Variants in OGFRL1 observed in about 807,000 individuals in gnomAD.
The protein encoded by OGFRL1 is opioid growth factor receptor like 1, also known as opioid growth factor receptor-like protein 1.
In OGFRL1, 26 loss-of-function variants were observed where a neutral mutation model predicts 32.4. That is an observed-to-expected ratio of 0.80 (90% CI 0.59 to 1.11). The LOEUF (loss-of-function observed/expected upper bound fraction) is 1.11. Ranked by LOEUF, OGFRL1 falls within the 50% of genes most tolerant of loss-of-function variation. The pLI, the probability that OGFRL1 is intolerant of heterozygous loss-of-function variation, is 0.00. For missense variants in OGFRL1, 521 were observed against 546.4 expected (o/e 0.95, Z 0.46); for synonymous variants, 211 against 201.2 (o/e 1.05, Z -0.41).
Position 71,292,103 on chromosome 6 carries a change from T to C in OGFRL1, c.235-1190T>C, listed in dbSNP as rs1451529021. The C allele has an allele frequency of 2.0e-5, 3 of 152,216 alleles. No homozygotes were observed. In the East Asian group the frequency reaches 5.8e-4, roughly 29 times the overall value. 9.4% of individuals were successfully genotyped at this position (152,216 alleles called of 1,614,324 possible). On this transcript the variant is annotated intron_variant, in intron 1 of 6. Transcript: ENST00000370435. ...CTATTCGCTATATATGTAAGTGCTT[T>C]GTAAATGGAGAGTGCCTTCTATACA...
At chr6:71,300,491 A>T (rs569792102) in intron 6 of OGFRL1, among the ~76,000 whole-genome samples, 1 of 152,182 alleles carries the variant, frequency 6.6e-6, no homozygotes, top group Non-Finnish European at 1.5e-5. Flanking sequence ...AAATTATCAG[A>T]TAGGGAAAGA....
Position 71,304,419 on chromosome 6 carries a change from T to A in OGFRL1, c.*2370T>A, listed in dbSNP as rs1299366707. The stretch of plus-strand genomic sequence containing the variant: ...CAGGGTTTAGAGGATGAGAAGCGAT[T>A]GTCAAATTAGGCTGAATTGTAGAAC... On this transcript the variant is annotated 3_prime_UTR_variant, in exon 7 of 7. Coordinates refer to ENST00000370435, the MANE Select transcript of OGFRL1 (RefSeq NM_024576.5). 2 of 152,142 alleles carry A rather than the reference T, an allele frequency of 1.3e-5. No homozygotes were observed. Among genetic ancestry groups the A allele is most frequent in the African/African-American group, 4.8e-5 (2 of 41,448 alleles). 9.4% of individuals were successfully genotyped at this position (152,142 alleles called of 1,614,324 possible). A position where few individuals can be genotyped will look rare whatever the true frequency, so the allele number is the denominator to read the frequency against.
At chr6:71,294,763 T>A (rs1435912115) in intron 3 of OGFRL1, among the ~76,000 whole-genome samples, 1 of 152,202 alleles carries the variant, frequency 6.6e-6, no homozygotes, top group Non-Finnish European at 1.5e-5. Context: ...TTGGCCAAAT[T>A]ATTCATTTTG....
intron 1 of OGFRL1, 96 bp from the exon 2 acceptor site, chr6:71,293,197 G>C (rs951413072): frequency 9.6e-6 from 9 of 938,546 alleles, no homozygotes; most frequent in Middle Eastern, 2.2e-4. Flanking sequence ...CAATTTTCAG[G>C]CTTTCTTTAT....
intron 1 of OGFRL1, chr6:71,289,582 T>TAAAAAA (rs1765980154): frequency 1.5e-6 from 1 of 680,650 alleles, no homozygotes; most frequent in Non-Finnish European, 1.7e-6. Context: ...AAAAAAAAAT[T>TAAAAAA]ACTCAGAATA....
chr6:71,294,784 G>A (rs1766152319), intron 3 of OGFRL1, among the ~76,000 whole-genome samples: 1 of 151,994 alleles, frequency 6.6e-6, no homozygotes, highest in Admixed American at 6.6e-5. Flanking sequence ...TTAGGACTTG[G>A]GGTAGAAAAA....
intron 1 of OGFRL1, 112 bp downstream of exon 1, chr6:71,289,282 G>T: frequency 9.9e-7 from 1 of 1,011,094 alleles, no homozygotes; most frequent in Non-Finnish European, 1.2e-6. Flanking sequence ...GTGGCTGCTC[G>T]CCGCTGCGAC....
At chr6:71,291,645 G>C (rs1046383012) in intron 1 of OGFRL1, 1 of 152,250 alleles carries the variant, frequency 6.6e-6, no homozygotes, top group Non-Finnish European at 1.5e-5. Flanking sequence ...GGAAGAGCAG[G>C]AGCAGATGCT....
rs1222411560 is a variant in OGFRL1 at position 71,303,373 on chromosome 6, T to G, written c.*1324T>G. ...TCTACATGGAACAGAGTGGGACTTC[T>G]AATTGTATGACTTCAAGATTTTGCT... On this transcript the variant is annotated 3_prime_UTR_variant, in exon 7 of 7. Transcript: ENST00000370435. The G allele has an allele frequency of 1.3e-5, 2 of 152,216 alleles. No homozygotes were observed. The highest frequency in any genetic ancestry group is 4.8e-5 in the African/African-American group (2 of 41,456). The allele number at this position is 152,216 out of a possible 1,614,324, so 9.4% of individuals were successfully genotyped here. A position where few individuals can be genotyped will look rare whatever the true frequency, so the allele number is the denominator to read the frequency against.
At chr6:71,289,616 G>A (rs1288029429) in intron 1 of OGFRL1, 1 of 973,316 alleles carries the variant, frequency 1.0e-6, no homozygotes, top group Non-Finnish European at 1.2e-6. Context: ...AGTGCAAGCA[G>A]CCAGCGCTCT....
In OGFRL1 at chr6:71,288,817, G is replaced by A; in HGVS notation, c.-120G>A. Reference sequence around the variant, plus strand: ...CCGCTCGCCGCGCTGAGGCAGTGCGGGGCGGGCGCGCCTAGGCTGCCGCCC... The same window carrying A: ...CCGCTCGCCGCGCTGAGGCAGTGCGAGGCGGGCGCGCCTAGGCTGCCGCCC... On this transcript the variant is annotated 5_prime_UTR_variant, in exon 1 of 7. Coordinates refer to ENST00000370435, the MANE Select transcript of OGFRL1 (RefSeq NM_024576.5). The A allele has an allele frequency of 5.9e-6, 4 of 682,224 alleles. No individual in the cohort carries two copies. Among genetic ancestry groups the A allele is most frequent in the Non-Finnish European group, 7.3e-6 (4 of 549,360 alleles). 42.3% of individuals were successfully genotyped at this position (682,224 alleles called of 1,614,324 possible).
chr6:71,300,612 G>A (rs111322723), intron 6 of OGFRL1, among the ~76,000 whole-genome samples: 110 of 152,192 alleles, frequency 7.2e-4, no homozygotes, highest in African/African-American at 2.5e-3. Flanking sequence ...GTTTTAAATA[G>A]TATCTAGTAC....
At position 71,288,824 on chromosome 6, in the gene OGFRL1, C is replaced by A. The variant is rs889583991; in HGVS notation, c.-113C>A. ...CCGCGCTGAGGCAGTGCGGGGCGGG[C>A]GCGCCTAGGCTGCCGCCCAGCGCCC... On this transcript the variant is annotated 5_prime_UTR_variant, in exon 1 of 7. Coordinates refer to ENST00000370435, the MANE Select transcript of OGFRL1 (RefSeq NM_024576.5). 9 of 740,488 alleles carry A rather than the reference C, an allele frequency of 1.2e-5. No individual in the cohort carries two copies. The African/African-American group carries it at 1.3e-4, about 11-fold the overall frequency. 45.9% of individuals were successfully genotyped at this position (740,488 alleles called of 1,614,324 possible).
Position 71,288,829 on chromosome 6 carries a change from C to T in OGFRL1, c.-108C>T. 4 of 825,932 alleles carry T rather than the reference C, an allele frequency of 4.8e-6. No homozygotes were observed. The highest frequency in any genetic ancestry group is 5.9e-6 in the Non-Finnish European group (4 of 677,918). 51.2% of individuals were successfully genotyped at this position (825,932 alleles called of 1,614,324 possible). On this transcript the variant is annotated 5_prime_UTR_variant, in exon 1 of 7. Transcript: ENST00000370435. ...CTGAGGCAGTGCGGGGCGGGCGCGC[C>T]TAGGCTGCCGCCCAGCGCCCTCGCC...
intron 6 of OGFRL1, among the ~76,000 whole-genome samples, chr6:71,299,314 C>T (rs1766312244): frequency 6.6e-6 from 1 of 152,146 alleles, no homozygotes. Context: ...TTTTGCCACT[C>T]TCTTCTATAC....
chr6:71,293,498 T>C, intron 2 of OGFRL1, 35 bp from the exon 3 acceptor site: 1 of 1,584,412 alleles, frequency 6.3e-7, no homozygotes, highest in Non-Finnish European at 8.7e-7. Context: ...TGTATTTCTA[T>C]GTGCTGGAGA....
At chr6:71,289,828 G>A in intron 1 of OGFRL1, 1 of 984,708 alleles carries the variant, frequency 1.0e-6, no homozygotes, top group Non-Finnish European at 1.2e-6. Flanking sequence ...CAAGAGATAA[G>A]CCCCTTAACC....
At chr6:71,289,694 G>C (rs1486893720) in intron 1 of OGFRL1, 1 of 984,742 alleles carries the variant, frequency 1.0e-6, no homozygotes, top group Non-Finnish European at 1.2e-6. Context: ...TCACTGTTCT[G>C]CCCAACTCAG....
intron 3 of OGFRL1, among the ~76,000 whole-genome samples, chr6:71,294,614 C>T (rs187490051): frequency 1.1e-3 from 165 of 152,280 alleles, no homozygotes; most frequent in African/African-American, 3.8e-3. Context: ...ACATCGTTGA[C>T]GTGGCCAGAT....
Sources: allele counts gnomAD v4.1 joint callset (sites outside exome capture counted in the v4.1 genomes callset), GRCh38; gene constraint gnomAD v4.1.1; transcripts MANE v1.5; gene names NCBI Gene and HGNC (gene_info 2026-07-23, HGNC 2026-07-21).